EBAG9: variants seen among roughly 807,000 people sequenced by gnomAD.
EBAG9 encodes the protein estrogen receptor binding site associated antigen 9.
EBAG9 carries 16 observed loss-of-function variants against 30.9 expected under a neutral mutation model. The observed-to-expected ratio is 0.52, with a 90% confidence interval of 0.35 to 0.79. The LOEUF (loss-of-function observed/expected upper bound fraction) is 0.79, where lower values mean the gene tolerates loss of function less well. EBAG9 is among the 30% of genes least tolerant of loss of function. The probability of loss-of-function intolerance (pLI) is 0.01; values close to 1 mark genes in which losing one functional copy is unlikely to be tolerated. For synonymous variants in EBAG9, 93 were observed against 82.8 expected (o/e 1.12, Z -0.67); for missense variants, 197 against 242.1 (o/e 0.81, Z 1.24).
chr8:109,560,940 G>A lies in EBAG9; in HGVS notation c.521+11G>A, dbSNP rs760823631. 2 of 1,608,176 alleles carry A rather than the reference G, an allele frequency of 1.2e-6. No homozygotes were observed. Among genetic ancestry groups the A allele is most frequent in the Non-Finnish European group, 1.7e-6 (2 of 1,175,930 alleles). ...AGAAGAAGTTCTGAGGTATTTGAGTGGCATTTATATTGCAACCTGAGTAGA... is the reference window on the plus strand; with the variant it reads ...AGAAGAAGTTCTGAGGTATTTGAGTAGCATTTATATTGCAACCTGAGTAGA... On this transcript the variant is annotated intron_variant, in intron 6 of 6. Coordinates refer to ENST00000337573, the MANE Select transcript of EBAG9 (RefSeq NM_004215.5).
intron 4 of EBAG9, among the ~76,000 whole-genome samples, chr8:109,556,181 AACAC>A (rs1228449143): frequency 6.6e-6 from 1 of 152,058 alleles, no homozygotes; most frequent in African/African-American, 2.4e-5. Context: ...TATATATATA[AACAC>A]ACACACATAC....
At chr8:109,548,816 G>A (rs1821434801) in intron 1 of EBAG9, among the ~76,000 whole-genome samples, 1 of 150,742 alleles carries the variant, frequency 6.6e-6, no homozygotes, top group African/African-American at 2.4e-5. Flanking sequence ...TTTCCACATA[G>A]AATATCACAC....
chr8:109,553,832 T>C, intron 2 of EBAG9, 33 bp from the exon 3 acceptor site: 1 of 1,556,016 alleles, frequency 6.4e-7, no homozygotes, highest in East Asian at 2.3e-5. Context: ...GTTTTGGTGG[T>C]TCTTGAAATA....
At chr8:109,542,878 A>C (rs1821304947) in intron 1 of EBAG9, among the ~76,000 whole-genome samples, 1 of 152,196 alleles carries the variant, frequency 6.6e-6, no homozygotes, top group Non-Finnish European at 1.5e-5. Flanking sequence ...GGAAGAGTAA[A>C]ATACTAGAAT....
chr8:109,553,971 T>G, intron 3 of EBAG9, 28 bp downstream of exon 3: 1 of 1,530,736 alleles, frequency 6.5e-7, no homozygotes, highest in Non-Finnish European at 8.9e-7. Flanking sequence ...GTTCTTTTGT[T>G]TTGTTTTGTT....
intron 6 of EBAG9, among the ~76,000 whole-genome samples, chr8:109,561,202 T>A (rs1360844802): frequency 6.7e-6 from 1 of 150,334 alleles, no homozygotes; most frequent in Non-Finnish European, 1.5e-5. Context: ...ATAAAAGGTT[T>A]TATATATATG....
At position 109,564,481 on chromosome 8, in the gene EBAG9, A is replaced by T. The variant is rs1402158267; in HGVS notation, c.564A>T (p.Gln188His). The T allele has an allele frequency of 6.2e-7, 1 of 1,613,004 alleles. No homozygotes were observed. The highest frequency in any genetic ancestry group is 8.5e-7 in the Non-Finnish European group (1 of 1,179,174). Residue 188 changes from glutamine to histidine, a missense_variant, in exon 7 of 7, where the codon CAA (glutamine) becomes CAT (histidine). Transcript: ENST00000337573. Reference sequence around the variant, plus strand: ...ACAGAGAAAAGAGAGCAGCCGAACAACAAAGGAAGAAAATGGAAAAGGAAG... The same window carrying T: ...ACAGAGAAAAGAGAGCAGCCGAACATCAAAGGAAGAAAATGGAAAAGGAAG... ...LADREKRAAE[Q>H]QRKKMEKEAQ...
intron 1 of EBAG9, among the ~76,000 whole-genome samples, chr8:109,545,444 A>G (rs1483938090): frequency 4.5e-4 from 2 of 4,482 alleles, no homozygotes; most frequent in African/African-American, 1.7e-3. Flanking sequence ...GCTCACCGCA[A>G]CCTCCGCCTC....
intron 1 of EBAG9, among the ~76,000 whole-genome samples, chr8:109,548,761 G>T (rs994537161): frequency 6.6e-6 from 1 of 151,420 alleles, no homozygotes; most frequent in African/African-American, 2.4e-5. Context: ...CTTATTGATT[G>T]TTGTTAACGT....
chr8:109,563,240 A>G (rs140945135), intron 6 of EBAG9, among the ~76,000 whole-genome samples: 1 of 152,180 alleles, frequency 6.6e-6, no homozygotes, highest in East Asian at 1.9e-4. Flanking sequence ...CATTTCACTC[A>G]CTGTAGTTAA....
chr8:109,554,663 A>C (rs1438515784), intron 3 of EBAG9, 66 bp from the exon 4 acceptor site: 1 of 1,487,632 alleles, frequency 6.7e-7, no homozygotes, highest in Non-Finnish European at 9.1e-7. Flanking sequence ...TTTTCTAATA[A>C]ATCATCAATG....
At chr8:109,551,862 A>T (rs559950659) in intron 2 of EBAG9, among the ~76,000 whole-genome samples, 2 of 152,286 alleles carry the variant, frequency 1.3e-5, no homozygotes, top group South Asian at 2.1e-4. Context: ...GATTGTGGTT[A>T]TTTAAGAATA....
intron 1 of EBAG9, among the ~76,000 whole-genome samples, chr8:109,543,010 G>A (rs1821308074): frequency 6.6e-6 from 1 of 151,968 alleles, no homozygotes; most frequent in African/African-American, 2.4e-5. Context: ...TTGGCAATTA[G>A]GTGTAAGGAG....
At chr8:109,553,579 T>C (rs1432594347) in intron 2 of EBAG9, among the ~76,000 whole-genome samples, 1 of 152,218 alleles carries the variant, frequency 6.6e-6, no homozygotes, top group East Asian at 1.9e-4. Flanking sequence ...GAAACCGTCT[T>C]GCATTTTTAT....
chr8:109,564,613 A>G lies in EBAG9; in HGVS notation c.*54A>G. ...GGAGAAATCTCAGCTCCACAACCCA[A>G]GCAACATTTGTATGGATTTAAGAGT... On this transcript the variant is annotated 3_prime_UTR_variant, in exon 7 of 7. Transcript: ENST00000337573. 2 of 1,601,452 alleles carry G rather than the reference A, an allele frequency of 1.2e-6. No individual in the cohort carries two copies. Among genetic ancestry groups the G allele is most frequent in the South Asian group, 1.1e-5 (1 of 89,910 alleles).
In EBAG9 at chr8:109,556,318, A is replaced by G. The variant is rs1022339452; in HGVS notation, c.322-617A>G. On this transcript the variant is annotated intron_variant, in intron 4 of 6. Coordinates refer to ENST00000337573, the MANE Select transcript of EBAG9 (RefSeq NM_004215.5). ...CATTGTCTAGGTTGATAACATTTAC[A>G]TTCTTTGTTGTTGAGTTGTCCAAAT... Among the ~76,000 whole-genome samples, 3 of 152,024 alleles carry G rather than the reference A, an allele frequency of 2.0e-5. No individual in the cohort carries two copies. In the East Asian group the frequency reaches 5.8e-4, roughly 29 times the overall value.
chr8:109,550,392 A>C (rs556828454), intron 1 of EBAG9: 1 of 153,746 alleles, frequency 6.5e-6, no homozygotes, highest in Non-Finnish European at 1.4e-5. Context: ...TTCCTCATCT[A>C]TAAAATGGAT....
upstream of EBAG9, chr8:109,540,170 C>T (rs1466034438): frequency 6.6e-6 from 1 of 152,432 alleles, no homozygotes; most frequent in Admixed American, 6.5e-5. Flanking sequence ...GGGAGCGGGA[C>T]CCAGGCGTGC....
intron 6 of EBAG9, among the ~76,000 whole-genome samples, chr8:109,562,777 T>C (rs533890157): frequency 5.9e-5 from 9 of 152,070 alleles, no homozygotes; most frequent in African/African-American, 2.2e-4. Flanking sequence ...TTAGAATATT[T>C]GTGTTCTGCT....
Sources: gnomAD v4.1 joint callset for allele counts (sites outside exome capture counted in the v4.1 genomes callset) on GRCh38, gnomAD v4.1.1 for gene constraint, MANE v1.5 for transcripts, NCBI Gene and HGNC (gene_info 2026-07-23, HGNC 2026-07-21) for gene names.